The following TENM2 variants were observed in gnomAD, a reference collection of about 807,000 sequenced individuals.
TENM2 encodes teneurin-2.
Under a neutral mutation model 245.2 loss-of-function variants are expected in TENM2, and 52 were observed. That is an observed-to-expected ratio of 0.21 (90% CI 0.17 to 0.27). The LOEUF is 0.27. TENM2 is among the 10% of genes least tolerant of loss of function. The pLI is 1.00. For synonymous variants in TENM2, 1,363 were observed against 1,438.9 expected, an observed-to-expected ratio of 0.95 and a Z score of 1.19; for missense variants, 3,046 against 3,666.8, an observed-to-expected ratio of 0.83 and a Z score of 4.37.
At chr5:168,194,847 C>T (rs548625723) in intron 14 of TENM2, among the ~76,000 whole-genome samples, 37 of 152,232 alleles carry the variant, frequency 2.4e-4, no homozygotes, top group African/African-American at 3.4e-4. Flanking sequence ...ATGGCACTCT[C>T]GGTGCCAGGC....
At position 168,086,875 on chromosome 5, in the gene TENM2, G is replaced by C. The variant is rs908834245; in HGVS notation, c.1516-3699G>C. Among the ~76,000 whole-genome samples, 37 of 152,322 alleles carry C rather than the reference G, an allele frequency of 2.4e-4. 1 individual carries two copies. In the Middle Eastern group the frequency reaches 0.014, roughly 56 times the overall value. ...GCCAGGGCCTGAGCTTTTGGAAAAT[G>C]CTCTCCTTCTAGTGTCAGCCAGTCT... On this transcript the variant is annotated intron_variant, in intron 7 of 28. Coordinates refer to ENST00000518659, the Ensembl canonical transcript of TENM2.
At chr5:167,384,124 C>A (rs1382729309) in intron 2 of TENM2, among the ~76,000 whole-genome samples, 1 of 152,138 alleles carries the variant, frequency 6.6e-6, no homozygotes, top group African/African-American at 2.4e-5. Flanking sequence ...TCTTCTAATT[C>A]TCTCTGCTGA....
intron 1 of TENM2, among the ~76,000 whole-genome samples, chr5:167,315,613 T>A (rs926136146): frequency 5.9e-5 from 9 of 151,928 alleles, no homozygotes; most frequent in African/African-American, 2.2e-4. Context: ...CAATAACAGG[T>A]ATAGTGAGGA....
the TENM2 span, among the ~76,000 whole-genome samples, chr5:167,020,439 G>A: frequency 2.6e-5 from 4 of 152,168 alleles, no homozygotes; most frequent in African/African-American, 9.7e-5. Flanking sequence ...CCCAAACATT[G>A]TCTATTCTGC....
intron 2 of TENM2, among the ~76,000 whole-genome samples, chr5:167,862,791 ATTTCTGC>A (rs1771941831): frequency 6.6e-6 from 1 of 152,196 alleles, no homozygotes; most frequent in African/African-American, 2.4e-5. Flanking sequence ...CGGGTTGTGA[ATTTCTGC>A]TAGGGCACAA....
At chr5:167,546,733 A>G (rs1309045223) in intron 2 of TENM2, among the ~76,000 whole-genome samples, 1 of 152,196 alleles carries the variant, frequency 6.6e-6, no homozygotes, top group Non-Finnish European at 1.5e-5. Flanking sequence ...CGCAAGGCAG[A>G]AATAATGACA....
At chr5:168,036,129 T>C (rs1787642657) in intron 5 of TENM2, among the ~76,000 whole-genome samples, 3 of 152,100 alleles carry the variant, frequency 2.0e-5, no homozygotes. Flanking sequence ...CTTGGGGATT[T>C]CCATGGAGTT....
chr5:167,062,011 T>A, the TENM2 span, among the ~76,000 whole-genome samples: 1 of 151,940 alleles, frequency 6.6e-6, no homozygotes, highest in Non-Finnish European at 1.5e-5. Flanking sequence ...TGCAGGGATG[T>A]GCTGAACAGC....
At chr5:167,125,527 A>G in the TENM2 span, among the ~76,000 whole-genome samples, 4 of 152,338 alleles carry the variant, frequency 2.6e-5, no homozygotes, top group South Asian at 4.1e-4. Context: ...CCTATTTAAC[A>G]AAATGTTTTT....
intron 27 of TENM2, among the ~76,000 whole-genome samples, chr5:168,257,241 T>C (rs1050036612): frequency 5.6e-5 from 8 of 142,080 alleles, no homozygotes; most frequent in African/African-American, 2.2e-4. Flanking sequence ...TGGGGGGACA[T>C]GAGCAAGGTA....
At chr5:167,086,602 A>G in the TENM2 span, among the ~76,000 whole-genome samples, 6 of 151,984 alleles carry the variant, frequency 3.9e-5, no homozygotes, top group African/African-American at 1.5e-4. Flanking sequence ...TTTAAACGTA[A>G]TTGGGAATAT....
chr5:167,435,184 A>T (rs1283151249), intron 2 of TENM2, among the ~76,000 whole-genome samples: 1 of 152,170 alleles, frequency 6.6e-6, no homozygotes, highest in Non-Finnish European at 1.5e-5. Context: ...AATCAGAGAG[A>T]TCTGGAGAAT....
At chr5:168,205,561 G>A (rs930859019) in intron 19 of TENM2, among the ~76,000 whole-genome samples, 1 of 152,186 alleles carries the variant, frequency 6.6e-6, no homozygotes, top group African/African-American at 2.4e-5. Context: ...GTCACGTTTG[G>A]CTAGGATCTG....
exon 21 of TENM2, chr5:168,215,146 G>A (rs779675675): frequency 1.2e-6 from 2 of 1,613,920 alleles, no homozygotes; most frequent in Non-Finnish European, 1.7e-6. Context: ...GTCTCTGAGT[G>A]GAACCAAAGA....
intron 5 of TENM2, among the ~76,000 whole-genome samples, chr5:168,023,944 A>C (rs965140751): frequency 3.3e-5 from 5 of 152,320 alleles, no homozygotes; most frequent in African/African-American, 1.2e-4. Context: ...ACAATCATGC[A>C]TAAAAACTGT....
intron 2 of TENM2, among the ~76,000 whole-genome samples, chr5:167,537,377 C>A (rs557024606): frequency 6.6e-6 from 1 of 152,114 alleles, no homozygotes; most frequent in Admixed American, 6.5e-5. Context: ...ATGCTGGTCA[C>A]GTAGTGACAA....
chr5:167,109,227 T>C, the TENM2 span, among the ~76,000 whole-genome samples: 4 of 151,750 alleles, frequency 2.6e-5, no homozygotes, highest in South Asian at 8.3e-4. Flanking sequence ...TTAAAATCTT[T>C]TAATTTTTTT....
chr5:167,639,530 A>G (rs932253504), intron 2 of TENM2, among the ~76,000 whole-genome samples: 5 of 152,192 alleles, frequency 3.3e-5, no homozygotes, highest in Non-Finnish European at 5.9e-5. Context: ...AAAAAGGCCA[A>G]GCTGGTTTAT....
chr5:167,118,531 T>C, the TENM2 span, among the ~76,000 whole-genome samples: 1 of 152,246 alleles, frequency 6.6e-6, no homozygotes, highest in Non-Finnish European at 1.5e-5. Context: ...TATATATTAG[T>C]GCTGGGTCTC....
Sources: gnomAD v4.1 joint callset for allele counts (sites outside exome capture counted in the v4.1 genomes callset) on GRCh38, gnomAD v4.1.1 for gene constraint, MANE v1.5 for transcripts, NCBI Gene and HGNC (gene_info 2026-07-23, HGNC 2026-07-21) for gene names.